The following BICD1 variants were observed in gnomAD, a reference collection of about 807,000 sequenced individuals.
BICD1 encodes the protein protein bicaudal D homolog 1.
A neutral mutation model predicts 92.5 loss-of-function variants in BICD1; 35 were observed. The ratio of observed to expected loss-of-function variants is 0.38; its 90% CI spans 0.29 to 0.50. The LOEUF (loss-of-function observed/expected upper bound fraction) is 0.50, where lower values mean the gene tolerates loss of function less well. Ranked by LOEUF, BICD1 falls within the 20% of genes least tolerant of loss-of-function variation. BICD1 has a pLI of 0.93. For synonymous variants in BICD1, 429 were observed against 465.1 expected, an observed-to-expected ratio of 0.92 and a Z score of 1.00; for missense variants, 950 against 1,189.8, an observed-to-expected ratio of 0.80 and a Z score of 2.97.
At chr12:32,257,619 A>G (rs184253014) in intron 2 of BICD1, among the ~76,000 whole-genome samples, 2 of 152,342 alleles carry the variant, frequency 1.3e-5, no homozygotes, top group Admixed American at 1.3e-4. Context: ...CCTAAGATCT[A>G]GCAATTCCAG....
chr12:32,332,900 G>A (rs1937939288), intron 5 of BICD1: 1 of 985,434 alleles, frequency 1.0e-6, no homozygotes, highest in Non-Finnish European at 1.2e-6. Flanking sequence ...AATGTGTGGA[G>A]AAAGTGGTGA....
At chr12:32,371,499 C>A (rs547474783) in intron 9 of BICD1, among the ~76,000 whole-genome samples, 1 of 152,318 alleles carries the variant, frequency 6.6e-6, no homozygotes, top group East Asian at 1.9e-4. Flanking sequence ...TTAAACATTA[C>A]AGCCTTCCAT....
intron 8 of BICD1, among the ~76,000 whole-genome samples, chr12:32,346,657 T>TACGTGTATATATATATATATATATATAC (rs1565687666): frequency 6.8e-4 from 10 of 14,790 alleles, no homozygotes; most frequent in Non-Finnish European, 1.1e-3. Context: ...TATATATATA[T>TACGTGTATATATATATATATATATATAC]ACACACACAC....
At chr12:32,260,617 C>T (rs1946834807) in intron 2 of BICD1, among the ~76,000 whole-genome samples, 1 of 150,420 alleles carries the variant, frequency 6.6e-6, no homozygotes, top group African/African-American at 2.4e-5. Flanking sequence ...CTGTTCTATT[C>T]TATCCTATTG....
intron 8 of BICD1, among the ~76,000 whole-genome samples, chr12:32,348,153 C>G (rs78911928): frequency 0.044 from 6,741 of 152,182 alleles, 205 homozygotes; most frequent in Middle Eastern, 0.11. Context: ...GTCCAGTATT[C>G]CTGTCCAGAA....
intron 2 of BICD1, among the ~76,000 whole-genome samples, chr12:32,266,958 GCC>G (rs144118496): frequency 2.0e-4 from 31 of 152,114 alleles, no homozygotes; most frequent in African/African-American, 7.2e-4. Context: ...TTAGAGCCCT[GCC>G]CCCAGAACCC....
At chr12:32,275,823 C>T (rs968517433) in intron 2 of BICD1, among the ~76,000 whole-genome samples, 2 of 152,324 alleles carry the variant, frequency 1.3e-5, no homozygotes, top group South Asian at 2.1e-4. Context: ...TGCCTGGGTT[C>T]GTCCTAATCG....
At chr12:32,282,957 AAT>A (rs1947460274) in intron 2 of BICD1, among the ~76,000 whole-genome samples, 1 of 152,230 alleles carries the variant, frequency 6.6e-6, no homozygotes, top group South Asian at 2.1e-4. Context: ...TAGAAGTGGA[AAT>A]ATGAATATAA....
intron 5 of BICD1, among the ~76,000 whole-genome samples, chr12:32,329,685 G>C (rs897592468): frequency 1.4e-4 from 21 of 152,280 alleles, no homozygotes; most frequent in African/African-American, 3.8e-4. Flanking sequence ...AACCCACCTG[G>C]GTCAGAGGTT....
rs1360658221 is a variant in BICD1 at position 32,379,855 on chromosome 12, T to C, written c.*2228T>C. On this transcript the variant is annotated 3_prime_UTR_variant, in exon 10 of 10. Coordinates refer to ENST00000652176, the MANE Select transcript of BICD1 (RefSeq NM_001714.4). Reference sequence around the variant, plus strand: ...ACTGGGAGTTCAGCAGGAAGTATTGTCTGTGTGTGATGACGGGGCAGTATT... The same window carrying C: ...ACTGGGAGTTCAGCAGGAAGTATTGCCTGTGTGTGATGACGGGGCAGTATT... The C allele has an allele frequency of 6.6e-6, 1 of 152,214 alleles. No homozygotes were observed. The highest frequency in any genetic ancestry group is 1.5e-5 in the Non-Finnish European group (1 of 68,048). 9.4% of individuals were successfully genotyped at this position (152,214 alleles called of 1,614,324 possible). A position where few individuals can be genotyped will look rare whatever the true frequency, so the allele number is the denominator to read the frequency against.
At chr12:32,199,205 A>G (rs161972) in intron 1 of BICD1, among the ~76,000 whole-genome samples, 146,144 of 152,302 alleles carry the variant, frequency 0.96, 70,398 homozygotes, top group Middle Eastern at 1. Flanking sequence ...AAATTATATA[A>G]GACATCACTT....
At chr12:32,334,326 T>C (rs1381621699) in intron 5 of BICD1, among the ~76,000 whole-genome samples, 190 bp from the exon 6 acceptor site, 3 of 152,182 alleles carry the variant, frequency 2.0e-5, no homozygotes, top group African/African-American at 7.2e-5. Flanking sequence ...ACATTATGAA[T>C]TCACAACACA....
At chr12:32,167,539 T>C (rs1441045577) in intron 1 of BICD1, among the ~76,000 whole-genome samples, 1 of 152,122 alleles carries the variant, frequency 6.6e-6, no homozygotes, top group Non-Finnish European at 1.5e-5. Context: ...CACTGCAACC[T>C]CTGCCTCCTG....
At chr12:32,217,790 T>C (rs1945402711) in intron 2 of BICD1, among the ~76,000 whole-genome samples, 2 of 152,162 alleles carry the variant, frequency 1.3e-5, no homozygotes, top group African/African-American at 2.4e-5. Context: ...CAATCCAGCA[T>C]CCATTGCAGA....
At chr12:32,373,085 G>GA (rs935148991) in intron 9 of BICD1, among the ~76,000 whole-genome samples, 7 of 150,086 alleles carry the variant, frequency 4.7e-5, no homozygotes, top group Admixed American at 2.0e-4. Flanking sequence ...TTCTACTTGG[G>GA]AAAAAAAAAG....
rs35803631 is a variant in BICD1, at chr12:32,233,322, T to TTAAAAAAAAAAA, written c.426+16863_426+16864insTAAAAAAAAAAA. ...GGATGACAGAGCAAGAGTCTGTCTT[T>TTAAAAAAAAAAA]AAAAAAAAAAAAAAAAAAGTAGGCT... On this transcript the variant is annotated intron_variant, in intron 2 of 9. Transcript: ENST00000652176. Among the ~76,000 whole-genome samples, 149 of 127,018 alleles carry TTAAAAAAAAAAA rather than the reference T, an allele frequency of 1.2e-3. 5 individuals are homozygous for TTAAAAAAAAAAA. Among genetic ancestry groups the TTAAAAAAAAAAA allele is most frequent in the East Asian group, 1.6e-3 (7 of 4,434 alleles). 83.3% of individuals were successfully genotyped at this position (127,018 alleles called of 152,430 possible).
chr12:32,304,600 T>C (rs1948160846), intron 3 of BICD1, among the ~76,000 whole-genome samples: 1 of 152,238 alleles, frequency 6.6e-6, no homozygotes, highest in African/African-American at 2.4e-5. Context: ...ATAAGTGCCA[T>C]GGAAAGGATC....
chr12:32,306,056 T>G lies in BICD1; in HGVS notation c.939T>G (p.Pro313=), dbSNP rs1162220941. The change falls in exon 4 of 10, where the codon CCT becomes CCG. Residue 313 remains proline, a synonymous_variant. Transcript: ENST00000652176. ...TAAGGAAAGGAGAGTCTCTGAACCCTGTCTCTGACTTATTCAGTGAGCTGA... is the reference window on the plus strand; with the variant it reads ...TAAGGAAAGGAGAGTCTCTGAACCCGGTCTCTGACTTATTCAGTGAGCTGA... ...PTLRKGESLN[P]VSDLFSELNI... 1 of 1,613,814 alleles carries G rather than the reference T, an allele frequency of 6.2e-7. No individual in the cohort carries two copies.
intron 4 of BICD1, among the ~76,000 whole-genome samples, chr12:32,317,764 T>C (rs1168695178): frequency 6.6e-6 from 1 of 152,134 alleles, no homozygotes; most frequent in East Asian, 1.9e-4. Context: ...GCTTTTGGTG[T>C]TTTAGACATG....
Sources: allele counts gnomAD v4.1 joint callset (sites outside exome capture counted in the v4.1 genomes callset), GRCh38; gene constraint gnomAD v4.1.1; transcripts MANE v1.5; gene names NCBI Gene and HGNC (gene_info 2026-07-23, HGNC 2026-07-21).